The following SLC22A16 variants were observed in gnomAD, a reference collection of about 807,000 sequenced individuals.
SLC22A16 encodes the protein solute carrier family 22 member 16.
Under a neutral mutation model 52.9 loss-of-function variants are expected in SLC22A16, and 53 were observed. The ratio of observed to expected loss-of-function variants is 1.00; its 90% CI spans 0.80 to 1.26. The LOEUF (loss-of-function observed/expected upper bound fraction) is 1.26. Among genes scored for constraint, SLC22A16 ranks in the 50% most tolerant of loss-of-function variants. The pLI, the probability that SLC22A16 is intolerant of heterozygous loss-of-function variation, is 0.00. For missense variants in SLC22A16, 726 were observed against 704.0 expected (o/e 1.03, Z -0.35); for synonymous variants, 291 against 268.8 (o/e 1.08, Z -0.81).
Position 110,442,634 on chromosome 6 carries a change from T to C in SLC22A16, c.793A>G (p.Arg265Gly), listed in dbSNP as rs1448948098. Residue 265 changes from arginine (R) to glycine (G), a missense_variant, in exon 4 of 8, where the codon AGG becomes GGG. Arg to Gly is a moderately radical substitution (Grantham distance 125, BLOSUM62 -2). Transcript: ENST00000368919. ...ATCATCTGGTAAAGCCACCAGGTCC[T>C]GACCAAGTATCCTGTCAAAGCCACC... is the stretch of plus-strand genomic sequence containing the variant. Reference protein sequence around the residue: ...LLVALTGYLVRTWWLYQMILS... With the variant: ...LLVALTGYLVGTWWLYQMILS... 6.2e-7 allele frequency: 1 copy of C among 1,614,180 alleles called. No individual in the cohort carries two copies. The highest frequency in any genetic ancestry group is 8.5e-7 in the Non-Finnish European group (1 of 1,180,026).
chr6:110,464,462 A>T (rs1775994948), intron 1 of SLC22A16, among the ~76,000 whole-genome samples: 1 of 152,028 alleles, frequency 6.6e-6, no homozygotes, highest in Admixed American at 6.6e-5. Flanking sequence ...TGATAAAAGT[A>T]ACATTACAAC....
Position 110,425,092 on chromosome 6 carries a change from G to A in SLC22A16, c.1522-7C>T. 2.5e-6 allele frequency: 4 copies of A among 1,613,468 alleles called. No homozygotes were observed. The highest frequency in any genetic ancestry group is 3.4e-6 in the Non-Finnish European group (4 of 1,179,778). On this transcript the variant is annotated splice_region_variant and splice_polypyrimidine_tract_variant and intron_variant, in intron 7 of 7. Coordinates refer to ENST00000368919, the MANE Select transcript of SLC22A16 (RefSeq NM_033125.4). The stretch of plus-strand genomic sequence containing the variant: ...CCATAGTCCCAACAAACAACTAGAA[G>A]GAATTAAAAATAATGATAAGTGACA...
At chr6:110,446,583 C>A (rs1049573739) in intron 3 of SLC22A16, among the ~76,000 whole-genome samples, 4 of 152,162 alleles carry the variant, frequency 2.6e-5, no homozygotes, top group African/African-American at 9.7e-5. Context: ...CCTGACTAGA[C>A]CAATATGATT....
Position 110,465,967 on chromosome 6 carries a change from T to C in SLC22A16, c.54-8950A>G, listed in dbSNP as rs577150928. ...CAAGCCAATGGAACAAAATAGAGAA[T>C]CCAGAAATAGAGCCACACACTGACA... On this transcript the variant is annotated intron_variant, in intron 1 of 7. Transcript: ENST00000368919. 2.0e-5 allele frequency among the ~76,000 whole-genome samples: 3 copies of C among 151,804 alleles called. No individual in the cohort carries two copies. The East Asian group carries it at 5.8e-4, about 29-fold the overall frequency.
At chr6:110,431,079 G>A in intron 7 of SLC22A16, 92 bp downstream of exon 7, 1 of 1,046,628 alleles carries the variant, frequency 9.6e-7, no homozygotes, top group Non-Finnish European at 1.5e-6. Flanking sequence ...TGATGTACTG[G>A]CTTTCAGTAA....
intron 2 of SLC22A16, among the ~76,000 whole-genome samples, chr6:110,454,109 C>T (rs933991798): frequency 3.3e-5 from 5 of 152,140 alleles, no homozygotes; most frequent in African/African-American, 9.7e-5. Flanking sequence ...CTCCCAACAC[C>T]GCCACACTGG....
chr6:110,444,950 A>C (rs1775110849), intron 3 of SLC22A16, among the ~76,000 whole-genome samples: 1 of 152,182 alleles, frequency 6.6e-6, no homozygotes, highest in Non-Finnish European at 1.5e-5. Flanking sequence ...ATTATTTCTC[A>C]TGAGTCAGCT....
chr6:110,468,750 G>A (rs961392149), intron 1 of SLC22A16, among the ~76,000 whole-genome samples: 1 of 152,138 alleles, frequency 6.6e-6, no homozygotes, highest in East Asian at 1.9e-4. Flanking sequence ...AGGAACAGTA[G>A]GCTGAGAAGA....
At chr6:110,471,517 T>C (rs1776260368) in intron 1 of SLC22A16, among the ~76,000 whole-genome samples, 1 of 152,196 alleles carries the variant, frequency 6.6e-6, no homozygotes, top group African/African-American at 2.4e-5. Context: ...AACCGTGAAA[T>C]ATTTGTGCCA....
intron 1 of SLC22A16, among the ~76,000 whole-genome samples, chr6:110,461,747 C>T (rs1280900270): frequency 6.6e-6 from 1 of 151,966 alleles, no homozygotes; most frequent in East Asian, 1.9e-4. Context: ...CCTTGGCCCC[C>T]TGAAAGCACC....
At chr6:110,430,327 T>C (rs1305551510) in intron 7 of SLC22A16, among the ~76,000 whole-genome samples, 1 of 151,884 alleles carries the variant, frequency 6.6e-6, no homozygotes, top group Non-Finnish European at 1.5e-5. Flanking sequence ...ATTGAGTTTG[T>C]GGTGAAACAT....
In SLC22A16 at chr6:110,456,824, T is replaced by A. The variant is rs768739918; in HGVS notation, c.247A>T (p.Lys83Ter). The stretch of plus-strand genomic sequence containing the variant: ...TGCAACTGCACCGTAACATAATCTT[T>A]CTGGCCTGAAGACAACAGGGCCCCG... ...DTGALLSSGQ[K>*]DYVTVQLQNG... is the part of the protein sequence containing the mutation. The change falls in exon 2 of 8, where the codon AAA becomes TAA. Residue 83 changes from lysine (K) to a stop codon, truncating the protein, a stop_gained. Coordinates refer to ENST00000368919, the MANE Select transcript of SLC22A16 (RefSeq NM_033125.4). LOFTEE classifies it high-confidence loss of function. 6.2e-7 allele frequency: 1 copy of A among 1,614,180 alleles called. No homozygotes were observed. Among genetic ancestry groups the A allele is most frequent in the Non-Finnish European group, 8.5e-7 (1 of 1,180,016 alleles).
intron 7 of SLC22A16, among the ~76,000 whole-genome samples, chr6:110,426,246 T>C (rs899364845): frequency 1.2e-4 from 18 of 152,288 alleles, no homozygotes; most frequent in African/African-American, 4.1e-4. Context: ...TCCAGTGATC[T>C]AGAAACCCCA....
rs936947687 is a variant in SLC22A16, at chr6:110,438,968, GA to G, written c.1184-122del. On this transcript the variant is annotated intron_variant, in intron 4 of 7. Coordinates refer to ENST00000368919, the MANE Select transcript of SLC22A16 (RefSeq NM_033125.4). Reference sequence around the variant, plus strand: ...CCTCTCCTCACTTCTGGGGCCTTTAGAAACTCTCTAAGAATTGCTGCGAGGC... The same window carrying G: ...CCTCTCCTCACTTCTGGGGCCTTTAGAACTCTCTAAGAATTGCTGCGAGGC... The G allele has an allele frequency of 1.8e-5, 23 of 1,255,072 alleles. No individual in the cohort carries two copies. The African/African-American group carries it at 3.3e-4, about 18-fold the overall frequency. The allele number at this position is 1,255,072 out of a possible 1,614,324, so 77.7% of individuals were successfully genotyped here.
At chr6:110,432,435 A>T (rs1774543777) in intron 6 of SLC22A16, among the ~76,000 whole-genome samples, 1 of 152,234 alleles carries the variant, frequency 6.6e-6, no homozygotes, top group Non-Finnish European at 1.5e-5. Flanking sequence ...CCTTCTTAGC[A>T]TATAACATGC....
chr6:110,458,764 A>T (rs962062567), intron 1 of SLC22A16, among the ~76,000 whole-genome samples: 1 of 152,150 alleles, frequency 6.6e-6, no homozygotes, highest in African/African-American at 2.4e-5. Flanking sequence ...AGGAAGAGCA[A>T]ATTTATTCTC....
intron 1 of SLC22A16, chr6:110,476,205 GCCA>G (rs201368738): frequency 0.85 from 581,978 of 686,398 alleles, 250,622 homozygotes; most frequent in Non-Finnish European, 0.89. Context: ...GGCCCCTCGA[GCCA>G]GATCTCCAGC....
At chr6:110,449,186 C>T (rs537369920) in intron 2 of SLC22A16, among the ~76,000 whole-genome samples, 75 of 152,232 alleles carry the variant, frequency 4.9e-4, no homozygotes, top group African/African-American at 1.7e-3. Context: ...TCCTTTCTGC[C>T]TGTCCTCTCT....
At chr6:110,427,270 A>AAG (rs1554222378) in intron 7 of SLC22A16, among the ~76,000 whole-genome samples, 1 of 139,344 alleles carries the variant, frequency 7.2e-6, no homozygotes, top group African/African-American at 2.7e-5. Flanking sequence ...AAAAAGAAAA[A>AAG]AAAGAAAGAA....
Sources: gnomAD v4.1 joint callset for allele counts (sites outside exome capture counted in the v4.1 genomes callset) on GRCh38, gnomAD v4.1.1 for gene constraint, MANE v1.5 for transcripts, NCBI Gene and HGNC (gene_info 2026-07-23, HGNC 2026-07-21) for gene names.